Variants in NAA15 observed in about 807,000 individuals in gnomAD.
NAA15 encodes N-terminal acetyltransferase.
Under a neutral mutation model 114.0 loss-of-function variants are expected in NAA15, and 34 were observed. The observed-to-expected ratio is 0.30, with a 90% CI of 0.23 to 0.40. The LOEUF is 0.40. Ranked by LOEUF, NAA15 falls within the 10% of genes least tolerant of loss-of-function variation. The pLI is 1.00. For synonymous variants in NAA15, 340 were observed against 338.0 expected (o/e 1.01, Z -0.06); for missense variants, 658 against 1,004.5 (o/e 0.66, Z 4.66).
In NAA15 at chr4:139,357,414, A is replaced by G. The variant is rs989754231; in HGVS notation, c.1116A>G (p.Thr372=). Residue 372 remains threonine (T), a synonymous_variant, in exon 11 of 20, where the codon ACA becomes ACG. Transcript: ENST00000296543. ...NDDGKEEPPT[T]LLWVQYYLAQ... Reference sequence around the variant, plus strand: ...ATGGAAAGGAGGAACCACCAACCACATTACTTTGGGTCCAGTACTACTTGG... The same window carrying G: ...ATGGAAAGGAGGAACCACCAACCACGTTACTTTGGGTCCAGTACTACTTGG... 1 of 1,613,804 alleles carries G rather than the reference A, an allele frequency of 6.2e-7. No homozygotes were observed. The highest frequency in any genetic ancestry group is 8.5e-7 in the Non-Finnish European group (1 of 1,179,864).
intron 5 of NAA15, among the ~76,000 whole-genome samples, chr4:139,343,690 C>A (rs189278352): frequency 6.1e-4 from 93 of 152,308 alleles, no homozygotes; most frequent in Admixed American, 1.4e-3. Context: ...GCCATCAGTT[C>A]GTTCCATTTG....
At chr4:139,348,855 G>A (rs1259290252) in intron 6 of NAA15, among the ~76,000 whole-genome samples, 1 of 152,210 alleles carries the variant, frequency 6.6e-6, no homozygotes, top group Non-Finnish European at 1.5e-5. Context: ...TGGTCATGCA[G>A]TCCAGGGAAG....
At chr4:139,311,968 TA>T (rs112556793) in intron 1 of NAA15, among the ~76,000 whole-genome samples, 8,422 of 149,592 alleles carry the variant, frequency 0.056, 342 homozygotes, top group East Asian at 0.1. Flanking sequence ...TCTATCTCTT[TA>T]AAAAAAAAAT....
Position 139,341,043 on chromosome 4 carries a change from C to G in NAA15, c.376C>G (p.Gln126Glu). 6.3e-7 allele frequency: 1 copy of G among 1,584,392 alleles called. No homozygotes were observed. The highest frequency in any genetic ancestry group is 1.4e-5 in the African/African-American group (1 of 73,570). Residue 126 changes from glutamine (Q) to glutamate (E), a missense_variant, in exon 4 of 20, where the codon CAA becomes GAA. Transcript: ENST00000296543. ...ILRDLSLLQI[Q>E]MRDLEGYRET... ...AAGGGACCTTTCCTTACTACAGATTCAAATGCGAGATCTTGAGGGTTACAG... is the reference window on the plus strand; with the variant it reads ...AAGGGACCTTTCCTTACTACAGATTGAAATGCGAGATCTTGAGGGTTACAG...
chr4:139,337,250 C>T (rs1247821736), intron 3 of NAA15, among the ~76,000 whole-genome samples: 1 of 152,074 alleles, frequency 6.6e-6, no homozygotes, highest in Non-Finnish European at 1.5e-5. Flanking sequence ...ACTCCGCTAC[C>T]CCATTTGTTG....
intron 1 of NAA15, among the ~76,000 whole-genome samples, chr4:139,313,563 C>G (rs1333459006): frequency 6.9e-6 from 1 of 145,142 alleles, no homozygotes; most frequent in Admixed American, 6.9e-5. Flanking sequence ...TTTTTTGAGA[C>G]GGAGTTTCGC....
At chr4:139,352,500 T>A (rs941828805) in intron 9 of NAA15, among the ~76,000 whole-genome samples, 5 of 152,068 alleles carry the variant, frequency 3.3e-5, no homozygotes, top group African/African-American at 7.2e-5. Flanking sequence ...ATCAGTTACA[T>A]TGAAGAGTCA....
intron 1 of NAA15, among the ~76,000 whole-genome samples, chr4:139,315,011 G>T (rs9714911): frequency 0.095 from 8,246 of 86,346 alleles, 924 homozygotes; most frequent in African/African-American, 0.18. Flanking sequence ...TTTAGTTTAG[G>T]TTAGGTTAGG....
chr4:139,384,133 T>C (rs1419587929), intron 17 of NAA15, among the ~76,000 whole-genome samples: 1 of 152,208 alleles, frequency 6.6e-6, no homozygotes, highest in Non-Finnish European at 1.5e-5. Flanking sequence ...GTTAATAAAA[T>C]TATTTGAATG....
At chr4:139,305,037 A>G (rs1432229060) in intron 1 of NAA15, among the ~76,000 whole-genome samples, 2 of 152,214 alleles carry the variant, frequency 1.3e-5, no homozygotes, top group African/African-American at 4.8e-5. Flanking sequence ...CTCCCGCTTC[A>G]GCCTCCGGAG....
chr4:139,352,544 A>G (rs1747811943), intron 9 of NAA15, among the ~76,000 whole-genome samples: 1 of 152,194 alleles, frequency 6.6e-6, no homozygotes, highest in Non-Finnish European at 1.5e-5. Context: ...GAAACACTTT[A>G]ACCAGAATTA....
At chr4:139,338,503 A>G (rs1454885185) in intron 3 of NAA15, among the ~76,000 whole-genome samples, 2 of 152,048 alleles carry the variant, frequency 1.3e-5, no homozygotes, top group Non-Finnish European at 2.9e-5. Context: ...GCTGGAGTGC[A>G]ATGGCACGAT....
chr4:139,348,963 A>G (rs1454686741), intron 6 of NAA15, among the ~76,000 whole-genome samples: 1 of 152,222 alleles, frequency 6.6e-6, no homozygotes, highest in Non-Finnish European at 1.5e-5. Flanking sequence ...AGTTAAGCTT[A>G]AAATAGGATG....
chr4:139,331,867 T>G (rs1180217479), intron 1 of NAA15, among the ~76,000 whole-genome samples: 1 of 152,154 alleles, frequency 6.6e-6, no homozygotes, highest in Non-Finnish European at 1.5e-5. Flanking sequence ...CCAAGTCTTA[T>G]ACAAGCTTTT....
chr4:139,371,009 A>G (rs978125740), intron 15 of NAA15, among the ~76,000 whole-genome samples: 4 of 152,188 alleles, frequency 2.6e-5, no homozygotes, highest in African/African-American at 9.7e-5. Flanking sequence ...CAAGATACTC[A>G]TTGTCACATG....
rs145145428 is a variant in NAA15 at position 139,358,266 on chromosome 4, C to T, written c.1257+711C>T. ...GGGGTGCAGTGGCGCGATCTCAGCT[C>T]CCTGCAATGTCTGCCTTCCGGGTTG... On this transcript the variant is annotated intron_variant, in intron 11 of 19. Transcript: ENST00000296543. 5.2e-3 allele frequency among the ~76,000 whole-genome samples: 783 copies of T among 151,166 alleles called. 7 individuals carry two copies. Among genetic ancestry groups the T allele is most frequent in the African/African-American group, 0.014 (594 of 41,200 alleles).
At chr4:139,301,860 G>A (rs1298380364) in intron 1 of NAA15, 29 bp downstream of exon 1, 2 of 1,575,340 alleles carry the variant, frequency 1.3e-6, no homozygotes, top group African/African-American at 1.4e-5. Context: ...GCAAGCGGTG[G>A]GGAGGATTTA....
intron 10 of NAA15, among the ~76,000 whole-genome samples, chr4:139,354,449 C>T (rs1339524316): frequency 6.6e-6 from 1 of 151,958 alleles, no homozygotes; most frequent in Non-Finnish European, 1.5e-5. Flanking sequence ...CAGACATGCA[C>T]CATCATGCCA....
At chr4:139,384,357 G>A (rs909909432) in intron 17 of NAA15, among the ~76,000 whole-genome samples, 1 of 152,060 alleles carries the variant, frequency 6.6e-6, no homozygotes, top group African/African-American at 2.4e-5. Flanking sequence ...TTGCACCTGT[G>A]GTCCCAGCTT....
Sources: allele counts gnomAD v4.1 joint callset (sites outside exome capture counted in the v4.1 genomes callset), GRCh38; gene constraint gnomAD v4.1.1; transcripts MANE v1.5; gene names NCBI Gene and HGNC (gene_info 2026-07-23, HGNC 2026-07-21).